VWC2: variants seen among roughly 807,000 people sequenced by gnomAD.
VWC2 encodes the protein brorin.
A neutral mutation model predicts 29.8 loss-of-function variants in VWC2; 14 were observed. The observed-to-expected ratio is 0.47, with a 90% CI of 0.31 to 0.74. VWC2 has a LOEUF of 0.74. VWC2 is among the 30% of genes least tolerant of loss of function. VWC2 has a pLI of 0.05. For missense variants in VWC2, 457 were observed against 459.8 expected, an observed-to-expected ratio of 0.99 and a Z score of 0.05; for synonymous variants, 213 against 199.0, an observed-to-expected ratio of 1.07 and a Z score of -0.59.
At chr7:49,885,479 A>G (rs1791861232) in intron 3 of VWC2, among the ~76,000 whole-genome samples, 1 of 151,692 alleles carries the variant, frequency 6.6e-6, no homozygotes. Context: ...GATTAACTTC[A>G]TCAAATTACA....
chr7:49,779,993 C>T (rs932294058), intron 2 of VWC2, among the ~76,000 whole-genome samples: 9 of 152,208 alleles, frequency 5.9e-5, no homozygotes, highest in Non-Finnish European at 1.3e-4. Flanking sequence ...ATATTCTTAG[C>T]TACTGGCGTG....
chr7:49,884,196 C>CT (rs1791800054), intron 3 of VWC2, among the ~76,000 whole-genome samples: 1 of 152,214 alleles, frequency 6.6e-6, no homozygotes, highest in Non-Finnish European at 1.5e-5. Context: ...AGGGTCCAGG[C>CT]TGCTGGCTGA....
At chr7:49,782,443 T>C (rs1788198917) in intron 2 of VWC2, among the ~76,000 whole-genome samples, 1 of 152,092 alleles carries the variant, frequency 6.6e-6, no homozygotes, top group Admixed American at 6.5e-5. Flanking sequence ...TCTGGGACTT[T>C]GAGGACAGGG....
intron 2 of VWC2, among the ~76,000 whole-genome samples, chr7:49,784,960 A>G (rs184497571): frequency 4.3e-4 from 66 of 152,354 alleles, no homozygotes; most frequent in African/African-American, 1.6e-3. Flanking sequence ...AGACCCAGAT[A>G]TTGGGATGTA....
chr7:49,869,886 CTG>C (rs2128722883), intron 3 of VWC2, among the ~76,000 whole-genome samples: 1 of 152,070 alleles, frequency 6.6e-6, no homozygotes, highest in South Asian at 2.1e-4. Flanking sequence ...GATTAACAAA[CTG>C]TGGCCTATTC....
intron 3 of VWC2, among the ~76,000 whole-genome samples, chr7:49,814,794 G>A (rs928052049): frequency 2.0e-5 from 3 of 151,502 alleles, no homozygotes; most frequent in Non-Finnish European, 4.4e-5. Flanking sequence ...TCTTGAACTT[G>A]TTGTTGAGGA....
chr7:49,824,062 T>G, intron 3 of VWC2, among the ~76,000 whole-genome samples: 1 of 152,190 alleles, frequency 6.6e-6, no homozygotes, highest in Non-Finnish European at 1.5e-5. Flanking sequence ...GCTTGCCTTT[T>G]CATTTTTAAT....
chr7:49,834,077 A>G (rs978591778), intron 3 of VWC2, among the ~76,000 whole-genome samples: 1 of 152,184 alleles, frequency 6.6e-6, no homozygotes, highest in Non-Finnish European at 1.5e-5. Context: ...GCTGAGCAAA[A>G]CCAGCAGTGA....
intron 3 of VWC2, among the ~76,000 whole-genome samples, chr7:49,852,127 G>A (rs952870562): frequency 3.9e-5 from 6 of 152,232 alleles, no homozygotes; most frequent in Non-Finnish European, 5.9e-5. Flanking sequence ...TCTGCTTTCT[G>A]GAGAGTCGGT....
intron 3 of VWC2, among the ~76,000 whole-genome samples, chr7:49,857,206 G>C (rs1262817784): frequency 6.6e-6 from 1 of 151,870 alleles, no homozygotes; most frequent in Non-Finnish European, 1.5e-5. Context: ...CCAACCCCTG[G>C]CAACCACCAT....
chr7:49,794,486 G>T (rs934015617), intron 2 of VWC2, among the ~76,000 whole-genome samples: 1 of 152,168 alleles, frequency 6.6e-6, no homozygotes, highest in African/African-American at 2.4e-5. Context: ...ACTGTCTTTG[G>T]CCCTTGTAAT....
intron 3 of VWC2, among the ~76,000 whole-genome samples, chr7:49,880,982 C>T (rs1383696405): frequency 6.6e-6 from 1 of 152,154 alleles, no homozygotes; most frequent in Non-Finnish European, 1.5e-5. Context: ...AGTAAGCTTT[C>T]AATCCATCCT....
intron 3 of VWC2, among the ~76,000 whole-genome samples, chr7:49,818,519 T>C (rs1297891724): frequency 6.6e-6 from 1 of 152,018 alleles, no homozygotes; most frequent in African/African-American, 2.4e-5. Context: ...TGAAGACCCT[T>C]GAGAGAAGGT....
chr7:49,865,429 A>G (rs1790840747), intron 3 of VWC2, among the ~76,000 whole-genome samples: 1 of 152,234 alleles, frequency 6.6e-6, no homozygotes, highest in Admixed American at 6.5e-5. Flanking sequence ...AACCAACCGC[A>G]AAACGTAGTG....
intron 3 of VWC2, among the ~76,000 whole-genome samples, chr7:49,828,404 A>G (rs920956691): frequency 3.9e-4 from 59 of 152,324 alleles, no homozygotes; most frequent in Admixed American, 3.9e-4. Context: ...GTAAACACTA[A>G]GGTCATGGGG....
intron 2 of VWC2, among the ~76,000 whole-genome samples, chr7:49,782,930 T>G (rs1387489427): frequency 1.3e-5 from 2 of 152,164 alleles, no homozygotes; most frequent in East Asian, 3.9e-4. Context: ...AAATAAGATG[T>G]ATGTGAAAGC....
intron 3 of VWC2, among the ~76,000 whole-genome samples, chr7:49,869,762 T>A (rs1791058794): frequency 6.6e-6 from 1 of 152,128 alleles, no homozygotes; most frequent in South Asian, 2.1e-4. Flanking sequence ...CCAGCAAACA[T>A]CCAAGAGAAT....
intron 3 of VWC2, among the ~76,000 whole-genome samples, chr7:49,830,325 G>C (rs753772388): frequency 6.6e-6 from 1 of 152,080 alleles, no homozygotes; most frequent in Non-Finnish European, 1.5e-5. Flanking sequence ...CTCTTCACTG[G>C]GGGGTGATGA....
intron 3 of VWC2, among the ~76,000 whole-genome samples, chr7:49,826,807 A>G (rs1468694238): frequency 1.3e-5 from 2 of 152,176 alleles, no homozygotes; most frequent in Admixed American, 6.5e-5. Flanking sequence ...ATCACAAAAG[A>G]TAACTAAGTC....
Sources: allele counts gnomAD v4.1 joint callset (sites outside exome capture counted in the v4.1 genomes callset), GRCh38; gene constraint gnomAD v4.1.1; transcripts MANE v1.5; gene names NCBI Gene and HGNC (gene_info 2026-07-23, HGNC 2026-07-21).